PADI4: variants seen among roughly 807,000 people sequenced by gnomAD.
PADI4 encodes the protein peptidyl arginine deiminase 4.
Under a neutral mutation model 75.0 loss-of-function variants are expected in PADI4, and 62 were observed. That is an observed-to-expected ratio of 0.83 (90% CI 0.67 to 1.02). The LOEUF is 1.02. PADI4 is among the 50% of genes least tolerant of loss of function. The probability of loss-of-function intolerance (pLI) is 0.00; values close to 1 mark genes in which losing one functional copy is unlikely to be tolerated. For synonymous variants in PADI4, 361 were observed against 348.1 expected, an observed-to-expected ratio of 1.04 and a Z score of -0.41; for missense variants, 845 against 850.5, an observed-to-expected ratio of 0.99 and a Z score of 0.08.
chr1:17,357,729 A>C (rs10788665), intron 13 of PADI4, among the ~76,000 whole-genome samples: 1 of 151,050 alleles, frequency 6.6e-6, no homozygotes, highest in Non-Finnish European at 1.5e-5. Flanking sequence ...TCAGGAGTTC[A>C]AGGCCAGCTA....
chr1:17,357,436 G>A (rs1199063994), intron 13 of PADI4, among the ~76,000 whole-genome samples: 1 of 152,102 alleles, frequency 6.6e-6, no homozygotes, highest in Non-Finnish European at 1.5e-5. Context: ...CAAAGTGCTG[G>A]GGTTACAGGC....
At chr1:17,322,228 C>T (rs1262726237) in intron 1 of PADI4, among the ~76,000 whole-genome samples, 1 of 152,222 alleles carries the variant, frequency 6.6e-6, no homozygotes, top group Non-Finnish European at 1.5e-5. Flanking sequence ...TGGCTCATGC[C>T]TGTAATCCCA....
At chr1:17,312,023 T>C (rs1032978563) in intron 1 of PADI4, among the ~76,000 whole-genome samples, 7 of 152,006 alleles carry the variant, frequency 4.6e-5, no homozygotes, top group African/African-American at 1.7e-4. Flanking sequence ...TCAAAGAAAA[T>C]GACTAAAGTG....
intron 1 of PADI4, among the ~76,000 whole-genome samples, chr1:17,328,658 A>AAG (rs1553144434): frequency 3.2e-4 from 48 of 150,982 alleles, no homozygotes; most frequent in Admixed American, 3.3e-4. Context: ...AAAAAAAAAA[A>AAG]ATAAGTTTAA....
Position 17,359,421 on chromosome 1 carries a change from C to G in PADI4, c.1758+13C>G. The G allele has an allele frequency of 6.2e-7, 1 of 1,613,708 alleles. No individual in the cohort carries two copies. The highest frequency in any genetic ancestry group is 1.1e-5 in the South Asian group (1 of 91,048). On this transcript the variant is annotated intron_variant, in intron 15 of 15. Transcript: ENST00000375448. ...TTTCCCCAACATGGTGAGGAGGTGG[C>G]GGCTTTAAAACCCCAGGGTGTGGCA...
intron 8 of PADI4, 121 bp downstream of exon 8, chr1:17,342,523 C>A: frequency 1.5e-6 from 1 of 647,972 alleles, no homozygotes; most frequent in Non-Finnish European, 2.8e-6. Context: ...GAGCTTGCTG[C>A]TTGTTGGGGG....
chr1:17,356,374 G>C lies in PADI4; in HGVS notation c.1473G>C (p.Leu491=). 6.2e-7 allele frequency: 1 copy of C among 1,610,086 alleles called. No individual in the cohort carries two copies. Among genetic ancestry groups the C allele is most frequent in the Non-Finnish European group, 8.5e-7 (1 of 1,177,800 alleles). Residue 491 remains leucine (L), a synonymous_variant, in exon 13 of 16, where the codon CTG becomes CTC. Coordinates refer to ENST00000375448, the MANE Select transcript of PADI4 (RefSeq NM_012387.3). This position sits in a 1 kb window ranked among gnomAD's most constrained non-coding sequence, Gnocchi z 4.1. ...GCCTCCAGGGCTTCCGGCTGCTCCT[G>C]GCCAGCCCCAGGTCCTGCTACAAAC... ...APDRKGFRLL[L]ASPRSCYKLF...
chr1:17,337,231 C>T (rs1193771447), intron 4 of PADI4, among the ~76,000 whole-genome samples: 2 of 152,158 alleles, frequency 1.3e-5, no homozygotes, highest in South Asian at 2.1e-4. Context: ...CCGCAACCTC[C>T]GCCTCCCAGG....
intron 1 of PADI4, among the ~76,000 whole-genome samples, chr1:17,320,333 G>A (rs1162405541): frequency 6.6e-6 from 1 of 152,194 alleles, no homozygotes; most frequent in Non-Finnish European, 1.5e-5. Flanking sequence ...CTTGAATTTT[G>A]CCTGAGAAAG....
chr1:17,351,853 G>C (rs1430420728), intron 10 of PADI4, among the ~76,000 whole-genome samples: 1 of 150,472 alleles, frequency 6.6e-6, no homozygotes, highest in Non-Finnish European at 1.5e-5. Context: ...GAGCAACCAG[G>C]AGGAGAGGCA....
chr1:17,322,851 C>G (rs925828399), intron 1 of PADI4, among the ~76,000 whole-genome samples: 2 of 151,978 alleles, frequency 1.3e-5, no homozygotes, highest in Non-Finnish European at 2.9e-5. Context: ...CCCCTTCTCC[C>G]CCTCCCACTT....
chr1:17,357,947 A>AAG lies in PADI4; in HGVS notation c.1559-891_1559-890insAG, dbSNP rs796149170. Among the ~76,000 whole-genome samples the AAG allele has an allele frequency of 9.8e-3, 1,463 of 148,554 alleles. 32 individuals carry two copies. The highest frequency in any genetic ancestry group is 0.034 in the African/African-American group (1,378 of 40,282). ...CTCAGTCTCAAAAAAAAAAAAAAAA[A>AAG]CAAGAAAATATTAAACTAGGCCAAG... On this transcript the variant is annotated intron_variant, in intron 13 of 15. Coordinates refer to ENST00000375448, the MANE Select transcript of PADI4 (RefSeq NM_012387.3).
At chr1:17,355,229 C>T (rs557490791) in intron 11 of PADI4, among the ~76,000 whole-genome samples, 24 of 152,254 alleles carry the variant, frequency 1.6e-4, no homozygotes, top group Non-Finnish European at 2.8e-4. Context: ...TGAGCTCCTG[C>T]GTGCAAGGCC....
At position 17,356,076 on chromosome 1, in the gene PADI4, C is replaced by T. The variant is rs775287558; in HGVS notation, c.1404C>T (p.Ser468=). ...TGAAGCTCTATTCTGACTGGCTGTC[C>T]GTGGGCCACGTGGACGAGTTCCTGA... ...APVKLYSDWL[S]VGHVDEFLSF... is the part of the protein sequence containing the mutation. The change falls in exon 12 of 16, where the codon TCC becomes TCT. Residue 468 remains serine (S), a synonymous_variant. Transcript: ENST00000375448. The surrounding 1 kb of genome is among the most constrained non-coding windows in gnomAD (Gnocchi z 4.1). The T allele has an allele frequency of 2.7e-5, 43 of 1,614,042 alleles. No homozygotes were observed. Among genetic ancestry groups the T allele is most frequent in the Admixed American group, 3.3e-5 (2 of 60,004 alleles).
chr1:17,363,592 G>A lies in PADI4; in HGVS notation c.1829G>A (p.Cys610Tyr), dbSNP rs747594333. Residue 610 changes from cysteine (C) to tyrosine (Y), a missense_variant, in exon 16 of 16, where the codon TGC (cysteine) becomes TAC (tyrosine). Cys to Tyr is a radical substitution (Grantham distance 194, BLOSUM62 -2). Transcript: ENST00000375448. ...TTCGGGCCCGTCATCAACGGCCGCT[G>A]CTGCCTGGAGGAGAAGGTGTGTTCC... Reference protein sequence around the residue: ...KPFGPVINGRCCLEEKVCSLL... With the variant: ...KPFGPVINGRYCLEEKVCSLL... 6.2e-7 allele frequency: 1 copy of A among 1,614,148 alleles called. No individual in the cohort carries two copies. Among genetic ancestry groups the A allele is most frequent in the East Asian group, 2.2e-5 (1 of 44,882 alleles).
intron 1 of PADI4, among the ~76,000 whole-genome samples, chr1:17,325,646 G>C (rs1201287429): frequency 6.7e-6 from 1 of 148,288 alleles, no homozygotes; most frequent in African/African-American, 2.5e-5. Flanking sequence ...TTTTTCTCTT[G>C]CTGCAGTGCT....
In PADI4 at chr1:17,308,336, G is replaced by C. The variant is rs78185114; in HGVS notation, c.92+22G>C. 4.2e-3 allele frequency: 6,750 copies of C among 1,591,910 alleles called. 246 individuals carry two copies. In the African/African-American group the frequency reaches 0.077, roughly 18 times the overall value. On this transcript the variant is annotated intron_variant, in intron 1 of 15. Coordinates refer to ENST00000375448, the MANE Select transcript of PADI4 (RefSeq NM_012387.3). ...GCAGGTAAGAGGGGGGCCTTCTGGG[G>C]TTTTGGAGGCAGGTCAGGAGATGCT...
Position 17,333,124 on chromosome 1 carries a change from G to A in PADI4, c.274-819G>A, listed in dbSNP as rs556733385. 3.3e-5 allele frequency among the ~76,000 whole-genome samples: 5 copies of A among 152,294 alleles called. No homozygotes were observed. The East Asian group carries it at 7.7e-4, about 24-fold the overall frequency. On this transcript the variant is annotated intron_variant, in intron 2 of 15. Transcript: ENST00000375448. Reference sequence around the variant, plus strand: ...ATAACAAGACAGCATTTGTACTTTAGAAGGATCCCAATGGCTGTGGCCTAG... The same window carrying A: ...ATAACAAGACAGCATTTGTACTTTAAAAGGATCCCAATGGCTGTGGCCTAG...
intron 2 of PADI4, among the ~76,000 whole-genome samples, chr1:17,333,737 T>C (rs1047089179): frequency 2.0e-5 from 3 of 152,036 alleles, no homozygotes; most frequent in Non-Finnish European, 2.9e-5. Flanking sequence ...TGGGCCCCCA[T>C]AGGATGCTCT....
Sources: gnomAD v4.1 joint callset for allele counts (sites outside exome capture counted in the v4.1 genomes callset) on GRCh38, gnomAD v4.1.1 for gene constraint, Gnocchi (gnomAD v3.1) non-coding constraint, MANE v1.5 for transcripts, NCBI Gene and HGNC (gene_info 2026-07-23, HGNC 2026-07-21) for gene names.